Variants in KCNQ3 observed in about 807,000 individuals in gnomAD.
KCNQ3 encodes the protein potassium voltage-gated channel subfamily KQT member 3.
KCNQ3 carries 30 observed loss-of-function variants against 92.5 expected under a neutral mutation model. The ratio of observed to expected loss-of-function variants is 0.32; its 90% CI spans 0.24 to 0.44. The LOEUF (loss-of-function observed/expected upper bound fraction) is 0.44. Ranked by LOEUF, KCNQ3 falls within the 20% of genes least tolerant of loss-of-function variation. KCNQ3 has a pLI of 1.00. For synonymous variants in KCNQ3, 450 were observed against 468.8 expected, an observed-to-expected ratio of 0.96 and a Z score of 0.52; for missense variants, 913 against 1,140.3, an observed-to-expected ratio of 0.80 and a Z score of 2.87.
At chr8:132,324,105 C>T (rs866963065) in intron 1 of KCNQ3, among the ~76,000 whole-genome samples, 12 of 152,162 alleles carry the variant, frequency 7.9e-5, no homozygotes, top group Non-Finnish European at 1.6e-4. Context: ...GTCTGTAATT[C>T]CCTCTGGATA....
Position 132,154,208 on chromosome 8 carries a change from T to TTG in KCNQ3, c.1262+9259_1262+9260insCA, listed in dbSNP as rs1554624534. Among the ~76,000 whole-genome samples the TTG allele has an allele frequency of 1.2e-3, 177 of 142,300 alleles. 4 individuals are homozygous for TTG. Among genetic ancestry groups the TTG allele is most frequent in the African/African-American group, 4.5e-3 (167 of 37,434 alleles). The allele number at this position is 142,300 out of a possible 152,430, so 93.4% of individuals were successfully genotyped here. A position where few individuals can be genotyped will look rare whatever the true frequency, so the allele number is the denominator to read the frequency against. On this transcript the variant is annotated intron_variant, in intron 9 of 14. Transcript: ENST00000388996. Reference sequence around the variant, plus strand: ...AAGGGTAAAAGTTTTTTTTTTTTTTTTTTTTTTTTTTTTTTAGCCAATCAG... The same window carrying TTG: ...AAGGGTAAAAGTTTTTTTTTTTTTTTTGTTTTTTTTTTTTTTTAGCCAATCAG...
intron 1 of KCNQ3, among the ~76,000 whole-genome samples, chr8:132,188,959 G>A (rs1288175448): frequency 6.6e-6 from 1 of 152,206 alleles, no homozygotes; most frequent in African/African-American, 2.4e-5. Context: ...TGAACAACAT[G>A]TACACGTGCA....
intron 1 of KCNQ3, among the ~76,000 whole-genome samples, chr8:132,221,190 C>A (rs1310361965): frequency 6.6e-6 from 1 of 152,158 alleles, no homozygotes. Flanking sequence ...TGTATATGTG[C>A]CACATTTTCT....
At chr8:132,371,102 T>C (rs1433745083) in intron 1 of KCNQ3, among the ~76,000 whole-genome samples, 1 of 152,178 alleles carries the variant, frequency 6.6e-6, no homozygotes, top group Non-Finnish European at 1.5e-5. Flanking sequence ...TGTTGTTGAC[T>C]CCCAGGCACA....
intron 1 of KCNQ3, among the ~76,000 whole-genome samples, chr8:132,368,405 C>A (rs1048233874): frequency 6.6e-6 from 1 of 152,120 alleles, no homozygotes. Context: ...GTAATCCCAG[C>A]ACTTGAGGAA....
chr8:132,281,487 T>C (rs891000775), intron 1 of KCNQ3, among the ~76,000 whole-genome samples: 1 of 152,012 alleles, frequency 6.6e-6, no homozygotes, highest in Non-Finnish European at 1.5e-5. Context: ...ATATGGAATA[T>C]ATGTATACAT....
In KCNQ3 at chr8:132,345,406, G is replaced by C. The variant is rs148310664; in HGVS notation, c.386+134741C>G. Among the ~76,000 whole-genome samples, 84 of 152,334 alleles carry C rather than the reference G, an allele frequency of 5.5e-4. 1 individual carries two copies. In the East Asian group the frequency reaches 0.016, roughly 29 times the overall value. Reference sequence around the variant, plus strand: ...TACTCAAGCAACTGGTAGGTAGTGAGAGCCTACTCCGTGCAAGGCCTGCAT... The same window carrying C: ...TACTCAAGCAACTGGTAGGTAGTGACAGCCTACTCCGTGCAAGGCCTGCAT... On this transcript the variant is annotated intron_variant, in intron 1 of 14. Transcript: ENST00000388996.
intron 2 of KCNQ3, among the ~76,000 whole-genome samples, chr8:132,185,346 G>T (rs1826927083): frequency 6.6e-6 from 1 of 152,266 alleles, no homozygotes; most frequent in Admixed American, 6.5e-5. Flanking sequence ...GAAGAGGCAG[G>T]ACTGACTCCT....
intron 1 of KCNQ3, among the ~76,000 whole-genome samples, chr8:132,372,758 T>TAAAA (rs1819507293): frequency 1.8e-5 from 1 of 54,276 alleles, no homozygotes; most frequent in South Asian, 7.1e-4. Flanking sequence ...AGACTTTGTC[T>TAAAA]CAAAAAAAAA....
intron 1 of KCNQ3, among the ~76,000 whole-genome samples, chr8:132,411,939 T>G (rs936725807): frequency 6.6e-6 from 1 of 152,218 alleles, no homozygotes; most frequent in Non-Finnish European, 1.5e-5. Context: ...GTTCAATGAA[T>G]GGCTTCCACC....
Position 132,480,594 on chromosome 8 carries a change from CG to C in KCNQ3, c.-63del. On this transcript the variant is annotated 5_prime_UTR_variant, in exon 1 of 15. Transcript: ENST00000388996. ...TGCTGCTCTGGGAAGAAGGGGCGCT[CG>C]GGGTGCGTGAACGAGGCGGCGGCGG... 1 of 1,228,874 alleles carries C rather than the reference CG, an allele frequency of 8.1e-7. No homozygotes were observed. 76.1% of individuals were successfully genotyped at this position (1,228,874 alleles called of 1,614,324 possible).
At chr8:132,471,288 G>A (rs1822294229) in intron 1 of KCNQ3, among the ~76,000 whole-genome samples, 1 of 152,124 alleles carries the variant, frequency 6.6e-6, no homozygotes, top group Non-Finnish European at 1.5e-5. Context: ...GAGGATTCAG[G>A]TGTGACCCCA....
intron 1 of KCNQ3, among the ~76,000 whole-genome samples, chr8:132,226,676 C>A (rs1463258075): frequency 7.2e-5 from 11 of 152,098 alleles, no homozygotes; most frequent in Admixed American, 7.2e-4. Context: ...TGTGGTCACC[C>A]CGGGAAGACA....
intron 1 of KCNQ3, among the ~76,000 whole-genome samples, chr8:132,381,369 C>T (rs1486496283): frequency 6.6e-6 from 1 of 152,222 alleles, no homozygotes; most frequent in East Asian, 1.9e-4. Flanking sequence ...CTTCCATACA[C>T]TCACCAAGTT....
At chr8:132,444,289 C>T (rs985575459) in intron 1 of KCNQ3, among the ~76,000 whole-genome samples, 1 of 152,202 alleles carries the variant, frequency 6.6e-6, no homozygotes, top group African/African-American at 2.4e-5. Context: ...CCTCACCCAG[C>T]CACCAACTGG....
At chr8:132,447,175 C>T in intron 1 of KCNQ3, 1 of 1,530,228 alleles carries the variant, frequency 6.5e-7, no homozygotes, top group African/African-American at 1.4e-5. Flanking sequence ...TTTTCATATC[C>T]CCAAAATGAG....
chr8:132,344,950 AG>A (rs1187257015), intron 1 of KCNQ3, among the ~76,000 whole-genome samples: 1 of 152,190 alleles, frequency 6.6e-6, no homozygotes, highest in Non-Finnish European at 1.5e-5. Context: ...GAGAGGACAA[AG>A]AGCTGAGATA....
chr8:132,355,827 A>T (rs1477196762), intron 1 of KCNQ3, among the ~76,000 whole-genome samples: 1 of 152,224 alleles, frequency 6.6e-6, no homozygotes, highest in Non-Finnish European at 1.5e-5. Context: ...GACCTCTGAG[A>T]TATATTCACC....
At chr8:132,385,122 T>C (rs1819856832) in intron 1 of KCNQ3, among the ~76,000 whole-genome samples, 1 of 151,940 alleles carries the variant, frequency 6.6e-6, no homozygotes, top group African/African-American at 2.4e-5. Flanking sequence ...AGCCAATGAC[T>C]CACCAACACA....
Sources: gnomAD v4.1 joint callset for allele counts (sites outside exome capture counted in the v4.1 genomes callset) on GRCh38, gnomAD v4.1.1 for gene constraint, MANE v1.5 for transcripts, NCBI Gene and HGNC (gene_info 2026-07-23, HGNC 2026-07-21) for gene names.